The following RPS6KC1 variants were observed in gnomAD, a reference collection of about 807,000 sequenced individuals.
The protein encoded by RPS6KC1 is inactive ribosomal protein S6 kinase delta-1.
RPS6KC1 carries 54 observed loss-of-function variants against 103.8 expected under a neutral mutation model. The observed-to-expected ratio is 0.52, with a 90% CI of 0.42 to 0.65. The LOEUF is 0.65. RPS6KC1 is among the 30% of genes least tolerant of loss of function. The probability of loss-of-function intolerance (pLI) is 0.00; values close to 1 mark genes in which losing one functional copy is unlikely to be tolerated. For missense variants in RPS6KC1, 1,151 were observed against 1,253.8 expected (o/e 0.92, Z 1.24); for synonymous variants, 439 against 438.7 (o/e 1.00, Z -0.01).
chr1:213,360,931 A>G, the RPS6KC1 span, among the ~76,000 whole-genome samples: 1 of 152,194 alleles, frequency 6.6e-6, no homozygotes, highest in African/African-American at 2.4e-5. Context: ...TTCCTCTCAG[A>G]GGGCTACTCG....
chr1:213,663,249 C>T, the RPS6KC1 span, among the ~76,000 whole-genome samples: 141,153 of 152,288 alleles, frequency 0.93, 66,361 homozygotes, highest in East Asian at 1. Context: ...TGAAATCTCA[C>T]TGAGACAAGA....
chr1:213,690,646 A>G, the RPS6KC1 span, among the ~76,000 whole-genome samples: 2 of 152,192 alleles, frequency 1.3e-5, no homozygotes, highest in East Asian at 3.9e-4. Context: ...AGTCAAGCAG[A>G]TATAAATTCT....
the RPS6KC1 span, among the ~76,000 whole-genome samples, chr1:213,623,694 G>A: frequency 0.68 from 103,051 of 152,090 alleles, 35,181 homozygotes; most frequent in African/African-American, 0.78. Flanking sequence ...GCTATTCAGT[G>A]AGTATATGTT....
the RPS6KC1 span, among the ~76,000 whole-genome samples, chr1:213,356,788 C>T: frequency 5.2e-4 from 79 of 152,228 alleles, no homozygotes; most frequent in Non-Finnish European, 1.5e-4. Context: ...TTCTCAGATC[C>T]CTCAGCCTGG....
At chr1:213,812,214 CAAA>C in the RPS6KC1 span, among the ~76,000 whole-genome samples, 47 of 151,196 alleles carry the variant, frequency 3.1e-4, no homozygotes, top group Admixed American at 1.1e-3. Flanking sequence ...AAAGGAAAGA[CAAA>C]AAGAAAGGGA....
the RPS6KC1 span, among the ~76,000 whole-genome samples, chr1:213,367,915 C>T: frequency 2.0e-5 from 3 of 152,214 alleles, no homozygotes; most frequent in African/African-American, 7.2e-5. Flanking sequence ...TAATGGGAAA[C>T]CTCTTCAGTT....
At chr1:213,219,171 A>T (rs1018974883) in intron 8 of RPS6KC1, among the ~76,000 whole-genome samples, 2 of 152,230 alleles carry the variant, frequency 1.3e-5, no homozygotes, top group African/African-American at 2.4e-5. Flanking sequence ...TACAAGAAAA[A>T]TGTAACCCCA....
the RPS6KC1 span, among the ~76,000 whole-genome samples, chr1:213,523,460 T>TA: frequency 1.3e-5 from 2 of 152,186 alleles, no homozygotes; most frequent in African/African-American, 4.8e-5. Context: ...CTTCACTTTC[T>TA]AAAAAATACA....
chr1:213,510,392 A>T, the RPS6KC1 span, among the ~76,000 whole-genome samples: 34 of 152,316 alleles, frequency 2.2e-4, no homozygotes, highest in East Asian at 5.8e-3. Context: ...GAGGTTAAGT[A>T]CTGTGTAGTT....
At chr1:213,117,475 G>T in intron 5 of RPS6KC1, 65 bp downstream of exon 5, 1 of 893,754 alleles carries the variant, frequency 1.1e-6, no homozygotes, top group Non-Finnish European at 1.8e-6. Flanking sequence ...AATCATATCT[G>T]CATTGCAAAA....
At chr1:213,807,526 C>G in the RPS6KC1 span, among the ~76,000 whole-genome samples, 1 of 152,126 alleles carries the variant, frequency 6.6e-6, no homozygotes, top group Non-Finnish European at 1.5e-5. Context: ...TCATTTCATT[C>G]ATTTCATCTT....
At chr1:213,569,359 G>A in the RPS6KC1 span, among the ~76,000 whole-genome samples, 1 of 152,036 alleles carries the variant, frequency 6.6e-6, no homozygotes, top group Non-Finnish European at 1.5e-5. Flanking sequence ...GCATTATTAG[G>A]GCATCCTTGC....
chr1:213,415,358 G>A, the RPS6KC1 span, among the ~76,000 whole-genome samples: 1 of 152,238 alleles, frequency 6.6e-6, no homozygotes, highest in African/African-American at 2.4e-5. Flanking sequence ...CAGTGCTGGG[G>A]CTTCAACTTT....
At chr1:213,230,436 A>G in intron 8 of RPS6KC1, 61 bp from the exon 9 acceptor site, 1 of 1,260,794 alleles carries the variant, frequency 7.9e-7, no homozygotes, top group South Asian at 1.3e-5. Flanking sequence ...GTTTAGTTTA[A>G]AGCTAAGAGT....
the RPS6KC1 span, among the ~76,000 whole-genome samples, chr1:213,772,658 G>T: frequency 1.3e-5 from 2 of 148,354 alleles, no homozygotes; most frequent in Non-Finnish European, 3.0e-5. Flanking sequence ...GTTACAGGCA[G>T]GGAGAACGGT....
At chr1:213,302,851 G>T in the RPS6KC1 span, among the ~76,000 whole-genome samples, 8 of 152,154 alleles carry the variant, frequency 5.3e-5, no homozygotes, top group Non-Finnish European at 8.8e-5. Flanking sequence ...TGTATATTTT[G>T]TATATATTAT....
chr1:213,072,366 A>G (rs775905311), intron 2 of RPS6KC1, among the ~76,000 whole-genome samples: 4 of 152,122 alleles, frequency 2.6e-5, no homozygotes, highest in South Asian at 2.1e-4. Context: ...TTTTTGTCCT[A>G]TGATTTAAAA....
the RPS6KC1 span, chr1:213,822,367 T>G: frequency 6.6e-6 from 1 of 152,164 alleles, no homozygotes; most frequent in Non-Finnish European, 1.5e-5. Context: ...CTTTGTCGTC[T>G]CTGTCCTTCA....
chr1:213,709,250 G>A, the RPS6KC1 span, among the ~76,000 whole-genome samples: 1 of 152,128 alleles, frequency 6.6e-6, no homozygotes, highest in Admixed American at 6.5e-5. Context: ...TCTATTCGGG[G>A]ATTCGACTTC....
Sources: allele counts gnomAD v4.1 joint callset (sites outside exome capture counted in the v4.1 genomes callset), GRCh38; gene constraint gnomAD v4.1.1; transcripts MANE v1.5; gene names NCBI Gene and HGNC (gene_info 2026-07-23, HGNC 2026-07-21).